The following ADAM18 variants were observed in gnomAD, a reference collection of about 807,000 sequenced individuals.
ADAM18 encodes the protein ADAM metallopeptidase domain 18, also known as disintegrin and metalloproteinase domain-containing protein 18.
ADAM18 carries 117 observed loss-of-function variants against 94.4 expected under a neutral mutation model. That is an observed-to-expected ratio of 1.24 (90% confidence interval 1.07 to 1.45). ADAM18 has a LOEUF of 1.45. Ranked by LOEUF, ADAM18 falls within the 40% of genes most tolerant of loss-of-function variation. The pLI is 0.00. For synonymous variants in ADAM18, 327 were observed against 291.6 expected (o/e 1.12, Z -1.24); for missense variants, 936 against 880.0 (o/e 1.06, Z -0.81).
At chr8:39,632,280 T>C (rs951707375) in intron 7 of ADAM18, among the ~76,000 whole-genome samples, 1 of 152,070 alleles carries the variant, frequency 6.6e-6, no homozygotes, top group Admixed American at 6.6e-5. Context: ...TAGACTGATG[T>C]GTATATTCCT....
At chr8:39,705,832 A>AGTCTAATTTTAAAAATGTGCCTG in intron 17 of ADAM18, among the ~76,000 whole-genome samples, 1 of 152,276 alleles carries the variant, frequency 6.6e-6, no homozygotes, top group South Asian at 2.1e-4. Context: ...GAATATTATG[A>AGTCTAATTTTAAAAATGTGCCTG]GTCTAATTTT....
At chr8:39,599,049 G>A (rs947520596) in intron 2 of ADAM18, among the ~76,000 whole-genome samples, 3 of 152,048 alleles carry the variant, frequency 2.0e-5, no homozygotes, top group Admixed American at 6.5e-5. Flanking sequence ...GACCTCTGGT[G>A]ATCCACTCAC....
chr8:39,706,216 T>C (rs1822237825), intron 17 of ADAM18, among the ~76,000 whole-genome samples: 1 of 152,154 alleles, frequency 6.6e-6, no homozygotes, highest in Non-Finnish European at 1.5e-5. Flanking sequence ...CATAAAGTTG[T>C]ATTTGATTGT....
chr8:39,630,680 G>T (rs570342879), intron 7 of ADAM18, among the ~76,000 whole-genome samples: 1 of 151,814 alleles, frequency 6.6e-6, no homozygotes, highest in Non-Finnish European at 1.5e-5. Flanking sequence ...GTGCTATTAT[G>T]AATAAAATTG....
intron 1 of ADAM18, 84 bp from the exon 2 acceptor site, chr8:39,585,192 C>A: frequency 9.7e-7 from 1 of 1,029,334 alleles, no homozygotes; most frequent in Non-Finnish European, 1.5e-6. Context: ...CGCCACCATG[C>A]AGTCCGGGAT....
At chr8:39,628,276 A>G (rs1453666513) in intron 6 of ADAM18, among the ~76,000 whole-genome samples, 1 of 152,010 alleles carries the variant, frequency 6.6e-6, no homozygotes, top group Non-Finnish European at 1.5e-5. Context: ...AAAAAAAATG[A>G]GAGTCCCCTT....
intron 7 of ADAM18, among the ~76,000 whole-genome samples, chr8:39,633,880 A>G (rs1207978950): frequency 6.6e-6 from 1 of 151,164 alleles, no homozygotes; most frequent in Admixed American, 6.6e-5. Flanking sequence ...TATGTATGGG[A>G]GAGAATAGCA....
At chr8:39,602,348 G>A (rs147403051) in intron 2 of ADAM18, among the ~76,000 whole-genome samples, 4 of 152,202 alleles carry the variant, frequency 2.6e-5, no homozygotes, top group African/African-American at 9.6e-5. Context: ...AACATTTGCT[G>A]TTGCTTGTTC....
intron 2 of ADAM18, among the ~76,000 whole-genome samples, chr8:39,601,414 A>G (rs541339541): frequency 1.3e-5 from 2 of 152,328 alleles, no homozygotes; most frequent in East Asian, 1.9e-4. Flanking sequence ...CTTTATGCAC[A>G]TTTAGATTTA....
chr8:39,601,745 A>G (rs937766817), intron 2 of ADAM18, among the ~76,000 whole-genome samples: 1 of 152,216 alleles, frequency 6.6e-6, no homozygotes, highest in Non-Finnish European at 1.5e-5. Context: ...TGTTAATTAA[A>G]TTCACACTGT....
At chr8:39,664,442 G>A (rs1290326423) in intron 13 of ADAM18, among the ~76,000 whole-genome samples, 1 of 152,104 alleles carries the variant, frequency 6.6e-6, no homozygotes, top group African/African-American at 2.4e-5. Flanking sequence ...ATGCCTGAGG[G>A]TTCCTGGAAC....
intron 19 of ADAM18, among the ~76,000 whole-genome samples, chr8:39,725,411 A>G (rs926876508): frequency 6.6e-6 from 1 of 152,112 alleles, no homozygotes; most frequent in African/African-American, 2.4e-5. Flanking sequence ...ATTGTTAGCT[A>G]TAGGTACTGT....
At chr8:39,610,409 G>T (rs1198358904) in intron 5 of ADAM18, 120 bp from the exon 6 acceptor site, 16 of 1,218,614 alleles carry the variant, frequency 1.3e-5, no homozygotes, top group Admixed American at 3.8e-5. Context: ...AAAGAAAATG[G>T]GCTTAAAATG....
chr8:39,663,738 A>C, intron 12 of ADAM18, 57 bp from the exon 13 acceptor site: 1 of 1,142,402 alleles, frequency 8.8e-7, no homozygotes, highest in East Asian at 2.4e-5. Flanking sequence ...TGAGATTAAG[A>C]AACAAGAGCT....
intron 12 of ADAM18, among the ~76,000 whole-genome samples, 197 bp from the exon 13 acceptor site, chr8:39,663,598 C>CAAAAA (rs10597769): frequency 4.4e-3 from 86 of 19,578 alleles, no homozygotes; most frequent in African/African-American, 0.011. Context: ...AATCCTGTCT[C>CAAAAA]AAAAAAAAAA....
rs147851955 is a variant in ADAM18 at position 39,598,874 on chromosome 8, C to T, written c.133-7433C>T. Among the ~76,000 whole-genome samples, 1,126 of 151,792 alleles carry T rather than the reference C, an allele frequency of 7.4e-3. 14 individuals are homozygous for T. The highest frequency in any genetic ancestry group is 0.026 in the African/African-American group (1,065 of 41,378). ...TCACCCAGGCTGGAGTGCCGTGGTG[C>T]GATCCCAGCTCACTGCAACCATCAC... On this transcript the variant is annotated intron_variant, in intron 2 of 19. Coordinates refer to ENST00000265707, the MANE Select transcript of ADAM18 (RefSeq NM_014237.3).
At chr8:39,638,934 A>C (rs1160206549) in intron 10 of ADAM18, among the ~76,000 whole-genome samples, 1 of 151,930 alleles carries the variant, frequency 6.6e-6, no homozygotes, top group Non-Finnish European at 1.5e-5. Flanking sequence ...ATGCTATTTT[A>C]ATAAATATAT....
intron 6 of ADAM18, among the ~76,000 whole-genome samples, chr8:39,628,845 G>A (rs1819848130): frequency 6.6e-6 from 1 of 152,028 alleles, no homozygotes; most frequent in Non-Finnish European, 1.5e-5. Flanking sequence ...AATAGGTCCA[G>A]AGCATAGGCT....
At chr8:39,726,122 T>C (rs1339856960) in intron 19 of ADAM18, among the ~76,000 whole-genome samples, 2 of 152,074 alleles carry the variant, frequency 1.3e-5, no homozygotes, top group Non-Finnish European at 2.9e-5. Flanking sequence ...GTTTTCCTGA[T>C]TATTGGTGAT....
Sources: gnomAD v4.1 joint callset for allele counts (sites outside exome capture counted in the v4.1 genomes callset) on GRCh38, gnomAD v4.1.1 for gene constraint, MANE v1.5 for transcripts, NCBI Gene and HGNC (gene_info 2026-07-23, HGNC 2026-07-21) for gene names.